SI: variants seen among roughly 807,000 people sequenced by gnomAD.
SI encodes sucrase-isomaltase, also known as sucrase-isomaltase, intestinal.
In SI, 235 loss-of-function variants were observed where a neutral mutation model predicts 253.3. The observed-to-expected ratio is 0.93, with a 90% CI of 0.83 to 1.03. The LOEUF is 1.03. SI is among the 50% of genes least tolerant of loss of function. The pLI is 0.00. For missense variants in SI, 2,442 were observed against 2,211.1 expected (o/e 1.10, Z -2.09); for synonymous variants, 819 against 712.0 (o/e 1.15, Z -2.39).
the SI span, among the ~76,000 whole-genome samples, chr3:165,084,343 A>G: frequency 1.3e-5 from 2 of 152,050 alleles, no homozygotes; most frequent in African/African-American, 4.8e-5. Context: ...ACAGAAACCC[A>G]GACAGACTAA....
At chr3:164,986,452 A>G (rs1175599509) in intron 45 of SI, among the ~76,000 whole-genome samples, 1 of 152,196 alleles carries the variant, frequency 6.6e-6, no homozygotes, top group Admixed American at 6.6e-5. Flanking sequence ...GCTACAATTA[A>G]TAAGCCAACA....
intron 18 of SI, among the ~76,000 whole-genome samples, chr3:165,040,362 A>T (rs1301976556): frequency 2.0e-5 from 3 of 152,076 alleles, no homozygotes; most frequent in African/African-American, 7.2e-5. Flanking sequence ...AATCTATCAC[A>T]GATGACAAGG....
In SI at chr3:165,069,132, A is replaced by C; in HGVS notation, c.319T>G (p.Phe107Val). The stretch of plus-strand genomic sequence containing the variant: ...TTATAACCATGATTATCAACGAAGA[A>C]GCACCAAGGAATAAGAGAGTCATTC... ...PWNDSLIPWC[F>V]FVDNHGYNVQ... Residue 107 changes from phenylalanine to valine, a missense_variant, in exon 4 of 48, where the codon TTC (phenylalanine) becomes GTC (valine). Coordinates refer to ENST00000264382, the MANE Select transcript of SI (RefSeq NM_001041.4). 6.2e-7 allele frequency: 1 copy of C among 1,613,658 alleles called. No individual in the cohort carries two copies. Among genetic ancestry groups the C allele is most frequent in the Non-Finnish European group, 8.5e-7 (1 of 1,179,736 alleles).
intron 34 of SI, among the ~76,000 whole-genome samples, chr3:165,011,584 T>C (rs1718769804): frequency 6.6e-6 from 1 of 152,014 alleles, no homozygotes; most frequent in African/African-American, 2.4e-5. Flanking sequence ...TATGGCTGCT[T>C]TTGGGTAGAA....
intron 25 of SI, among the ~76,000 whole-genome samples, chr3:165,024,615 A>G (rs1361459685): frequency 6.6e-6 from 1 of 151,006 alleles, no homozygotes; most frequent in Non-Finnish European, 1.5e-5. Flanking sequence ...TGTGTACCCT[A>G]TCCCAGGCCT....
intron 28 of SI, among the ~76,000 whole-genome samples, chr3:165,018,406 T>A (rs909419441): frequency 4.0e-5 from 6 of 150,928 alleles, no homozygotes; most frequent in African/African-American, 1.5e-4. Flanking sequence ...TTAGAGTAGT[T>A]TGGTTTATTT....
chr3:165,030,986 G>A (rs1464787205), intron 24 of SI, 119 bp from the exon 25 acceptor site: 1 of 1,371,476 alleles, frequency 7.3e-7, no homozygotes, highest in Non-Finnish European at 9.6e-7. Context: ...TTCACAAAAT[G>A]TGGCAACGAG....
Position 165,015,209 on chromosome 3 carries a change from T to A in SI, c.3913A>T (p.Thr1305Ser), listed in dbSNP as rs1431894898. 2 of 1,613,130 alleles carry A rather than the reference T, an allele frequency of 1.2e-6. No homozygotes were observed. The highest frequency in any genetic ancestry group is 1.7e-6 in the Non-Finnish European group (2 of 1,179,436). Residue 1305 changes from threonine (T) to serine (S), a missense_variant, in exon 33 of 48, where the codon ACA becomes TCA. By Grantham distance (58) the Thr-to-Ser change is moderately conservative. Coordinates refer to ENST00000264382, the MANE Select transcript of SI (RefSeq NM_001041.4). ...CTTTCAAATGCAGGGTAAGTCTTTG[T>A]TTCATTTCCTGAAATTGCTGGATCC... ...ILDPAISGNE[T>S]KTYPAFERGQ...
chr3:165,025,728 C>T (rs1265168690), intron 25 of SI, among the ~76,000 whole-genome samples: 4 of 151,256 alleles, frequency 2.6e-5, no homozygotes, highest in Non-Finnish European at 5.9e-5. Context: ...CTTTTGTATC[C>T]AGAAAAACTA....
the SI span, among the ~76,000 whole-genome samples, chr3:165,089,876 C>T: frequency 1.3e-5 from 2 of 151,924 alleles, no homozygotes; most frequent in Non-Finnish European, 2.9e-5. Flanking sequence ...CTCACATCCT[C>T]AGTTTGAAAA....
chr3:164,982,715 T>C (rs752082979), intron 46 of SI, among the ~76,000 whole-genome samples: 2 of 152,012 alleles, frequency 1.3e-5, no homozygotes, highest in Non-Finnish European at 2.9e-5. Context: ...TGGAGTGCAA[T>C]AGTGCAGTCA....
chr3:165,039,401 C>T (rs1019625297), intron 19 of SI, among the ~76,000 whole-genome samples: 1 of 152,036 alleles, frequency 6.6e-6, no homozygotes, highest in African/African-American at 2.4e-5. Context: ...TTATAAAACA[C>T]ATGGTCATTG....
In SI at chr3:165,074,669, TG is replaced by T; in HGVS notation, c.119-3del. On this transcript the variant is annotated splice_polypyrimidine_tract_variant and splice_region_variant and intron_variant, in intron 2 of 47. Transcript: ENST00000264382. ...GAGTTGAAGTAGAATCACTAATTTCTGGGGGAGGAAAAAACTCAATAAAATA... is the reference window on the plus strand; with the variant it reads ...GAGTTGAAGTAGAATCACTAATTTCTGGGGAGGAAAAAACTCAATAAAATA... 1 of 1,607,724 alleles carries T rather than the reference TG, an allele frequency of 6.2e-7. No homozygotes were observed. Among genetic ancestry groups the T allele is most frequent in the Non-Finnish European group, 8.5e-7 (1 of 1,175,188 alleles).
Position 165,068,750 on chromosome 3 carries a change from T to G in SI, c.455A>C (p.Asn152Thr). ...GAACCGGAAACGATTGGGTGTCTGA[T>G]TTTGAGTTGTGAAGAGAACACTGTT... ...DINSVLFTTQ[N>T]QTPNRFRFKI... The change falls in exon 5 of 48, where the codon AAT (asparagine) becomes ACT (threonine). Residue 152 changes from asparagine to threonine, a missense_variant. Asn to Thr is a moderately conservative substitution (Grantham distance 65). Transcript: ENST00000264382. 1 of 1,613,646 alleles carries G rather than the reference T, an allele frequency of 6.2e-7. No homozygotes were observed.
chr3:164,998,981 T>C (rs1718143553), intron 37 of SI, among the ~76,000 whole-genome samples: 1 of 151,822 alleles, frequency 6.6e-6, no homozygotes, highest in Non-Finnish European at 1.5e-5. Flanking sequence ...TTCATCACAT[T>C]GAGCTTTTTA....
chr3:165,081,573 CACCAGGATGCA>C (rs1215300161), upstream of SI, among the ~76,000 whole-genome samples: 1 of 151,890 alleles, frequency 6.6e-6, no homozygotes, highest in East Asian at 1.9e-4. Flanking sequence ...TGTTACTTGC[CACCAGGATGCA>C]ACAAAAAGAC....
intron 33 of SI, 23 bp downstream of exon 33, chr3:165,015,100 A>C: frequency 6.5e-7 from 1 of 1,528,258 alleles, no homozygotes; most frequent in African/African-American, 1.4e-5. Context: ...TATTTATTCT[A>C]TTTCAAGATA....
intron 47 of SI, among the ~76,000 whole-genome samples, chr3:164,981,044 C>G (rs1717163183): frequency 6.6e-6 from 1 of 151,858 alleles, no homozygotes; most frequent in Admixed American, 6.6e-5. Flanking sequence ...CCACATAAGA[C>G]TACTGGACTA....
rs1489696757 is a variant in SI at position 164,998,668 on chromosome 3, A to C, written c.4412T>G (p.Leu1471Trp). ...CCCTCTTTTTCCAGTTGTCTTCTGC[A>C]ATGCACTAATATAGTAGAGAAGTAT... The part of the protein sequence containing the change: ...WSQMKPTHDA[L>W]QKTTGKRGIV... Residue 1471 changes from leucine to tryptophan, a missense_variant, in exon 38 of 48, where the codon TTG becomes TGG. Physicochemically the swap from Leu to Trp is moderately conservative, Grantham distance 61. Coordinates refer to ENST00000264382, the MANE Select transcript of SI (RefSeq NM_001041.4). 5.0e-6 allele frequency: 8 copies of C among 1,610,334 alleles called. No individual in the cohort carries two copies. The highest frequency in any genetic ancestry group is 1.3e-5 in the African/African-American group (1 of 74,756).
Sources: gnomAD v4.1 joint callset for allele counts (sites outside exome capture counted in the v4.1 genomes callset) on GRCh38, gnomAD v4.1.1 for gene constraint, MANE v1.5 for transcripts, NCBI Gene and HGNC (gene_info 2026-07-23, HGNC 2026-07-21) for gene names.